REDIC1: variants seen among roughly 807,000 people sequenced by gnomAD.
The protein encoded by REDIC1 is HEI10 Interacting Protein 1.
the REDIC1 span, among the ~76,000 whole-genome samples, chr12:39,783,708 G>T: frequency 1.3e-5 from 2 of 152,092 alleles, no homozygotes; most frequent in African/African-American, 4.8e-5. Flanking sequence ...CCCACTTTTT[G>T]GGGGTTGTTT....
At chr12:39,688,550 G>A in the REDIC1 span, among the ~76,000 whole-genome samples, 1 of 152,112 alleles carries the variant, frequency 6.6e-6, no homozygotes, top group African/African-American at 2.4e-5. Context: ...AAAAAGGTAG[G>A]TCATGAATGG....
At chr12:39,896,753 T>C in the REDIC1 span, among the ~76,000 whole-genome samples, 1 of 152,036 alleles carries the variant, frequency 6.6e-6, no homozygotes, top group African/African-American at 2.4e-5. Flanking sequence ...GCAGTTTCTA[T>C]TATATTTTTC....
the REDIC1 span, among the ~76,000 whole-genome samples, chr12:39,896,543 T>C: frequency 7.0e-6 from 1 of 142,672 alleles, no homozygotes; most frequent in African/African-American, 2.7e-5. Flanking sequence ...TATGTATGTA[T>C]GTGTGTATAC....
the REDIC1 span, among the ~76,000 whole-genome samples, chr12:39,860,181 G>A: frequency 6.6e-6 from 1 of 152,240 alleles, no homozygotes; most frequent in Non-Finnish European, 1.5e-5. Flanking sequence ...TGCCCTAGGA[G>A]AGGAGTGTGA....
At chr12:39,899,194 C>A in the REDIC1 span, among the ~76,000 whole-genome samples, 199 of 151,950 alleles carry the variant, frequency 1.3e-3, 1 homozygote, top group East Asian at 0.017. Flanking sequence ...TGAACTTCTT[C>A]CTGGTTTAGT....
chr12:39,626,575 C>T, the REDIC1 span, among the ~76,000 whole-genome samples: 1 of 152,192 alleles, frequency 6.6e-6, no homozygotes, highest in African/African-American at 2.4e-5. Flanking sequence ...TTTACAAAGG[C>T]TTCACCTGTG....
the REDIC1 span, among the ~76,000 whole-genome samples, chr12:39,749,048 A>G: frequency 4.6e-5 from 7 of 152,324 alleles, no homozygotes; most frequent in South Asian, 6.2e-4. Flanking sequence ...AAGCTAGCAG[A>G]AGGCAAGAAA....
chr12:39,894,123 C>T, the REDIC1 span, among the ~76,000 whole-genome samples: 1 of 152,180 alleles, frequency 6.6e-6, no homozygotes, highest in South Asian at 2.1e-4. Flanking sequence ...CCAGCATTCT[C>T]CTATAGTGCC....
At chr12:39,802,048 A>G in the REDIC1 span, among the ~76,000 whole-genome samples, 2 of 152,190 alleles carry the variant, frequency 1.3e-5, no homozygotes, top group Non-Finnish European at 2.9e-5. Context: ...TGAAAAAACT[A>G]CAAAAGTGAT....
At chr12:39,735,739 T>G in the REDIC1 span, among the ~76,000 whole-genome samples, 1 of 152,248 alleles carries the variant, frequency 6.6e-6, no homozygotes, top group Non-Finnish European at 1.5e-5. Flanking sequence ...CAGGTAACTA[T>G]CCCTAAGGAT....
At chr12:39,711,771 G>GCACATGCATGTGTATGTGTGTA in the REDIC1 span, among the ~76,000 whole-genome samples, 5 of 104,766 alleles carry the variant, frequency 4.8e-5, no homozygotes, top group South Asian at 6.2e-4. Context: ...ATGTGTGTGT[G>GCACATGCATGTGTATGTGTGTA]CACATGCATG....
the REDIC1 span, among the ~76,000 whole-genome samples, chr12:39,706,493 G>A: frequency 6.6e-6 from 1 of 152,012 alleles, no homozygotes; most frequent in East Asian, 1.9e-4. Context: ...ACCAAGAATA[G>A]CCTAAGTTAT....
chr12:39,873,874 C>A, the REDIC1 span, among the ~76,000 whole-genome samples: 1 of 152,154 alleles, frequency 6.6e-6, no homozygotes, highest in Non-Finnish European at 1.5e-5. Flanking sequence ...AACCTGCATT[C>A]TAATAGCACC....
the REDIC1 span, among the ~76,000 whole-genome samples, chr12:39,696,389 A>C: frequency 6.6e-6 from 1 of 150,604 alleles, no homozygotes; most frequent in Non-Finnish European, 1.5e-5. Flanking sequence ...TAAAAATACA[A>C]AAAATTAGCC....
At chr12:39,749,015 G>A in the REDIC1 span, among the ~76,000 whole-genome samples, 2 of 152,002 alleles carry the variant, frequency 1.3e-5, no homozygotes, top group South Asian at 2.1e-4. Flanking sequence ...AAGAACTAGA[G>A]AAGCAAGAGC....
the REDIC1 span, among the ~76,000 whole-genome samples, chr12:39,706,859 A>G: frequency 5.3e-5 from 8 of 152,076 alleles, no homozygotes; most frequent in South Asian, 4.1e-4. Flanking sequence ...TCAAATCAAA[A>G]TGGATTAAAG....
chr12:39,712,716 CGTATACGTGTATATATGTAT>C, the REDIC1 span, among the ~76,000 whole-genome samples: 2 of 126,444 alleles, frequency 1.6e-5, no homozygotes, highest in Non-Finnish European at 3.2e-5. Context: ...TGTATATAGA[CGTATACGTGTATATATGTAT>C]ATAGACGTGT....
the REDIC1 span, chr12:39,871,670 T>C: frequency 1.1e-6 from 1 of 919,504 alleles, no homozygotes; most frequent in Non-Finnish European, 1.5e-6. Flanking sequence ...CTAGAAGAAC[T>C]CTAATTTTTT....
At chr12:39,754,888 G>T in the REDIC1 span, 8 of 151,940 alleles carry the variant, frequency 5.3e-5, no homozygotes, top group African/African-American at 1.7e-4. Flanking sequence ...ATAATCAAAA[G>T]AAATAAAATA....
Sources: gnomAD v4.1 joint callset for allele counts (sites outside exome capture counted in the v4.1 genomes callset) on GRCh38, gnomAD v4.1.1 for gene constraint, MANE v1.5 for transcripts, NCBI Gene and HGNC (gene_info 2026-07-23, HGNC 2026-07-21) for gene names.